SLC12A1: variants seen among roughly 807,000 people sequenced by gnomAD.
The protein encoded by SLC12A1 is Na-K-2Cl cotransporter.
SLC12A1 carries 89 observed loss-of-function variants against 130.4 expected under a neutral mutation model. That is an observed-to-expected ratio of 0.68 (90% confidence interval 0.58 to 0.81). The LOEUF is 0.81. SLC12A1 is among the 40% of genes least tolerant of loss of function. The probability of loss-of-function intolerance (pLI) is 0.00; values close to 1 mark genes in which losing one functional copy is unlikely to be tolerated. For missense variants in SLC12A1, 1,310 were observed against 1,336.4 expected (o/e 0.98, Z 0.31); for synonymous variants, 499 against 460.0 (o/e 1.08, Z -1.09).
At chr15:48,299,454 T>G (rs557108676) in intron 25 of SLC12A1, among the ~76,000 whole-genome samples, 179 bp downstream of exon 25, 1 of 152,338 alleles carries the variant, frequency 6.6e-6, no homozygotes. Context: ...TTTAGAAAAC[T>G]TTTTCATTTT....
In SLC12A1 at chr15:48,302,895, G is replaced by A. The variant is rs1471214939; in HGVS notation, c.*10G>A. 1.9e-6 allele frequency: 3 copies of A among 1,588,274 alleles called. No individual in the cohort carries two copies. The highest frequency in any genetic ancestry group is 1.7e-4 in the Middle Eastern group (1 of 6,026). The stretch of plus-strand genomic sequence containing the variant: ...GACATTTTACTCTTAAAACATGAAA[G>A]ATTGGAATACATTTTAACTTAATGT... On this transcript the variant is annotated 3_prime_UTR_variant, in exon 27 of 27. Transcript: ENST00000380993.
chr15:48,269,042 A>C (rs1015414842), intron 18 of SLC12A1, among the ~76,000 whole-genome samples: 5 of 152,210 alleles, frequency 3.3e-5, no homozygotes, highest in African/African-American at 1.2e-4. Flanking sequence ...AGCACTATGC[A>C]ATTCATAGGT....
chr15:48,243,012 T>G (rs569311446), intron 10 of SLC12A1, among the ~76,000 whole-genome samples: 45 of 152,184 alleles, frequency 3.0e-4, no homozygotes, highest in East Asian at 2.9e-3. Context: ...TTTCAGAGCT[T>G]CTTCTAGTTT....
intron 5 of SLC12A1, chr15:48,226,985 T>A: frequency 1.3e-6 from 1 of 791,362 alleles, no homozygotes; most frequent in South Asian, 1.7e-5. Flanking sequence ...GGGAGGTGGA[T>A]CTTTCTGTGA....
Position 48,207,806 on chromosome 15 carries a change from C to A in SLC12A1, c.87C>A (p.Asn29Lys). 6.2e-7 allele frequency: 1 copy of A among 1,613,842 alleles called. No homozygotes were observed. Among genetic ancestry groups the A allele is most frequent in the Non-Finnish European group, 8.5e-7 (1 of 1,179,830 alleles). The change falls in exon 2 of 27, where the codon AAC becomes AAA. Residue 29 changes from asparagine (N) to lysine (K), a missense_variant. Coordinates refer to ENST00000380993, the MANE Select transcript of SLC12A1 (RefSeq NM_000338.3). ...TTCAAGTTAGTGTCATAAATGAGAA[C>A]CATGAGAGCAGTGCAGCTGCAGATG... ...NRFQVSVINENHESSAAADDN... is the reference protein window; with the variant it reads ...NRFQVSVINEKHESSAAADDN...
rs1386075575 is a variant in SLC12A1 at position 48,221,009 on chromosome 15, C to T, written c.628+13C>T. On this transcript the variant is annotated intron_variant, in intron 4 of 26. Transcript: ENST00000380993. ...GAAGCTGGAATTGGTAAGCATTTTT[C>T]CCCTCCTAAATAATTTTGCATGTAA... 1.2e-6 allele frequency: 2 copies of T among 1,611,946 alleles called. No individual in the cohort carries two copies. The highest frequency in any genetic ancestry group is 2.2e-5 in the South Asian group (2 of 91,042).
At chr15:48,214,093 T>C (rs999013268) in intron 2 of SLC12A1, among the ~76,000 whole-genome samples, 7 of 152,142 alleles carry the variant, frequency 4.6e-5, no homozygotes, top group African/African-American at 7.2e-5. Flanking sequence ...CCAAATAAAA[T>C]AGACATTAAA....
At chr15:48,222,231 A>G (rs1238995740) in intron 4 of SLC12A1, 1 of 152,206 alleles carries the variant, frequency 6.6e-6, no homozygotes, top group Non-Finnish European at 1.5e-5. Flanking sequence ...ACTTATTGAG[A>G]TCATCAAGAA....
rs568245443 is a variant in SLC12A1 at position 48,226,536 on chromosome 15, C to T, written c.689C>T (p.Thr230Ile). ...GTAACTTCTATTACTGGGTTGTCAA[C>T]TTCTGCGATAGCAACTAACGGGTTT... ...TMVTSITGLS[T>I]SAIATNGFVR... Residue 230 changes from threonine to isoleucine, a missense_variant, in exon 5 of 27, where the codon ACT (threonine) becomes ATT (isoleucine). Transcript: ENST00000380993. The T allele has an allele frequency of 2.2e-5, 35 of 1,610,056 alleles. No individual in the cohort carries two copies. The Admixed American group carries it at 5.9e-4, about 27-fold the overall frequency.
chr15:48,229,827 C>T (rs2041348211), intron 6 of SLC12A1, among the ~76,000 whole-genome samples: 2 of 152,184 alleles, frequency 1.3e-5, no homozygotes, highest in South Asian at 4.1e-4. Flanking sequence ...CATTCATTAG[C>T]TGATATATCA....
rs560497278 is a variant in SLC12A1, at chr15:48,251,835, T to C, written c.1942+65T>C. The C allele has an allele frequency of 9.0e-6, 13 of 1,438,670 alleles. No homozygotes were observed. In the East Asian group the frequency reaches 3.0e-4, roughly 33 times the overall value. The allele number at this position is 1,438,670 out of a possible 1,614,324, so 89.1% of individuals were successfully genotyped here. A position where few individuals can be genotyped will look rare whatever the true frequency, so the allele number is the denominator to read the frequency against. ...TCTCTAACTACTCATTTATTAAGCA[T>C]TTATTGAGCAGCTTCTATGGGCTTA... is the stretch of plus-strand genomic sequence containing the variant. On this transcript the variant is annotated intron_variant, in intron 15 of 26. Coordinates refer to ENST00000380993, the MANE Select transcript of SLC12A1 (RefSeq NM_000338.3).
At chr15:48,260,856 CT>C (rs1266496396) in intron 17 of SLC12A1, among the ~76,000 whole-genome samples, 2 of 152,238 alleles carry the variant, frequency 1.3e-5, no homozygotes, top group Non-Finnish European at 2.9e-5. Flanking sequence ...TTTCTTTACA[CT>C]TGGCAATATT....
chr15:48,249,657 C>T lies in SLC12A1; in HGVS notation c.1767C>T (p.Ala589=). The change falls in exon 14 of 27, where the codon GCC becomes GCT. Residue 589 remains alanine (A), a synonymous_variant. Coordinates refer to ENST00000380993, the MANE Select transcript of SLC12A1 (RefSeq NM_000338.3). ...YALINFSCFH[A]SYAKSPGWRP... ...TTATTAATTTCTCCTGCTTCCATGC[C>T]TCTTATGCCAAATCTCCAGGTAAGC... is the stretch of plus-strand genomic sequence containing the variant. 1 of 1,613,246 alleles carries T rather than the reference C, an allele frequency of 6.2e-7. No individual in the cohort carries two copies. The highest frequency in any genetic ancestry group is 8.5e-7 in the Non-Finnish European group (1 of 1,179,244).
chr15:48,256,626 G>T (rs1223701266), intron 16 of SLC12A1, among the ~76,000 whole-genome samples: 1 of 152,080 alleles, frequency 6.6e-6, no homozygotes, highest in Non-Finnish European at 1.5e-5. Context: ...GTGTGTGCAG[G>T]GGAACTGCCC....
chr15:48,247,981 C>CTAG (rs1410823266), intron 13 of SLC12A1, among the ~76,000 whole-genome samples: 1 of 152,200 alleles, frequency 6.6e-6, no homozygotes. Context: ...ATTTGAGAAT[C>CTAG]ACTTACCTAG....
intron 20 of SLC12A1, among the ~76,000 whole-genome samples, chr15:48,282,179 C>G (rs1038350722): frequency 1.3e-5 from 2 of 152,166 alleles, no homozygotes; most frequent in Non-Finnish European, 2.9e-5. Context: ...GATGGCAAAG[C>G]AAGCTGATTT....
chr15:48,213,987 T>C (rs1011235046), intron 2 of SLC12A1, among the ~76,000 whole-genome samples: 1 of 152,220 alleles, frequency 6.6e-6, no homozygotes, highest in South Asian at 2.1e-4. Context: ...CTCTAGAAAA[T>C]AACCTTTTCT....
chr15:48,240,056 T>A (rs1301236472), intron 9 of SLC12A1, among the ~76,000 whole-genome samples: 1 of 103,242 alleles, frequency 9.7e-6, no homozygotes, highest in African/African-American at 5.0e-5. Flanking sequence ...TATCCATATA[T>A]ATATATATAT....
chr15:48,226,578 T>C lies in SLC12A1; in HGVS notation c.724+7T>C. 1 of 1,570,208 alleles carries C rather than the reference T, an allele frequency of 6.4e-7. No individual in the cohort carries two copies. Among genetic ancestry groups the C allele is most frequent in the African/African-American group, 1.4e-5 (1 of 73,982 alleles). ...AACGGGTTTGTTCGTGGAGGTAAAATCTCTAAGATATCTAATGCCCTCATC... is the reference window on the plus strand; with the variant it reads ...AACGGGTTTGTTCGTGGAGGTAAAACCTCTAAGATATCTAATGCCCTCATC... On this transcript the variant is annotated splice_region_variant and intron_variant, in intron 5 of 26. Transcript: ENST00000380993.
Sources: allele counts gnomAD v4.1 joint callset (sites outside exome capture counted in the v4.1 genomes callset), GRCh38; gene constraint gnomAD v4.1.1; transcripts MANE v1.5; gene names NCBI Gene and HGNC (gene_info 2026-07-23, HGNC 2026-07-21).